Variants in CTNND2 observed in about 807,000 individuals in gnomAD.
The protein encoded by CTNND2 is catenin delta-2.
In CTNND2, 22 loss-of-function variants were observed where a neutral mutation model predicts 144.4. The observed-to-expected ratio is 0.15, with a 90% CI of 0.11 to 0.22. The LOEUF (loss-of-function observed/expected upper bound fraction) is 0.22. Ranked by LOEUF, CTNND2 falls within the 10% of genes least tolerant of loss-of-function variation. The pLI, the probability that CTNND2 is intolerant of heterozygous loss-of-function variation, is 1.00. For synonymous variants in CTNND2, 751 were observed against 695.6 expected, an observed-to-expected ratio of 1.08 and a Z score of -1.25; for missense variants, 1,353 against 1,618.8, an observed-to-expected ratio of 0.84 and a Z score of 2.82.
At chr5:11,248,186 A>G (rs1260788562) in intron 9 of CTNND2, among the ~76,000 whole-genome samples, 2 of 152,204 alleles carry the variant, frequency 1.3e-5, no homozygotes, top group African/African-American at 2.4e-5. Context: ...TTTGATGCCC[A>G]AAATACTCGG....
rs187826907 is a variant in CTNND2, at chr5:11,418,089, C to T, written c.288-6020G>A. 1.7e-4 allele frequency among the ~76,000 whole-genome samples: 26 copies of T among 151,888 alleles called. No individual in the cohort carries two copies. The East Asian group carries it at 4.3e-3, about 25-fold the overall frequency. ...AACCTGATCTAGTTTGACGCACTAA[C>T]GAGGGTAAGATATCGGTTTGAAAAG... On this transcript the variant is annotated intron_variant, in intron 3 of 21. Transcript: ENST00000304623.
intron 1 of CTNND2, among the ~76,000 whole-genome samples, chr5:11,780,381 A>G (rs943482290): frequency 6.6e-6 from 1 of 152,132 alleles, no homozygotes; most frequent in Non-Finnish European, 1.5e-5. Context: ...GTCATCCTCT[A>G]TTCCACGTGC....
At chr5:10,999,691 C>G (rs1351188917) in intron 18 of CTNND2, among the ~76,000 whole-genome samples, 3 of 152,182 alleles carry the variant, frequency 2.0e-5, no homozygotes, top group African/African-American at 7.2e-5. Context: ...ACACATTACA[C>G]TTAAAACTGG....
At chr5:11,789,610 T>C (rs922965782) in intron 1 of CTNND2, among the ~76,000 whole-genome samples, 1 of 152,184 alleles carries the variant, frequency 6.6e-6, no homozygotes, top group African/African-American at 2.4e-5. Context: ...GACTCATTTT[T>C]ATTAGTTATA....
chr5:11,113,895 G>A (rs1753281196), intron 13 of CTNND2, among the ~76,000 whole-genome samples: 1 of 152,158 alleles, frequency 6.6e-6, no homozygotes, highest in South Asian at 2.1e-4. Flanking sequence ...TATTACCGAG[G>A]GCATGAAAAC....
At chr5:10,984,279 T>C (rs1737661050) in intron 20 of CTNND2, among the ~76,000 whole-genome samples, 1 of 152,160 alleles carries the variant, frequency 6.6e-6, no homozygotes, top group Admixed American at 6.5e-5. Context: ...TGGACACCCA[T>C]AGAGTAAGTG....
chr5:11,602,141 T>G (rs1352400099), intron 2 of CTNND2, among the ~76,000 whole-genome samples: 6 of 152,204 alleles, frequency 3.9e-5, no homozygotes, highest in African/African-American at 1.4e-4. Flanking sequence ...ATAATTTCCT[T>G]AAAAATATAT....
At chr5:11,647,106 C>A (rs1782395916) in intron 2 of CTNND2, among the ~76,000 whole-genome samples, 1 of 152,202 alleles carries the variant, frequency 6.6e-6, no homozygotes, top group South Asian at 2.1e-4. Flanking sequence ...CTGTCTCCAT[C>A]ACCCTTTCTG....
At chr5:11,379,432 G>A (rs1453214166) in intron 7 of CTNND2, among the ~76,000 whole-genome samples, 1 of 152,078 alleles carries the variant, frequency 6.6e-6, no homozygotes, top group Non-Finnish European at 1.5e-5. Context: ...AGTAGCTTTG[G>A]GCAAGGAGGT....
intron 16 of CTNND2, among the ~76,000 whole-genome samples, chr5:11,079,621 C>T (rs1749332998): frequency 1.3e-5 from 2 of 152,114 alleles, no homozygotes; most frequent in Admixed American, 1.3e-4. Flanking sequence ...AGCCCACTGG[C>T]CTGCTCCCAG....
intron 9 of CTNND2, among the ~76,000 whole-genome samples, chr5:11,343,006 T>A (rs1754424544): frequency 6.6e-6 from 1 of 152,176 alleles, no homozygotes; most frequent in African/African-American, 2.4e-5. Context: ...AAAGGGAATT[T>A]TACAGGTTTA....
At chr5:11,514,229 T>C (rs1287569225) in intron 3 of CTNND2, among the ~76,000 whole-genome samples, 1 of 151,914 alleles carries the variant, frequency 6.6e-6, no homozygotes, top group African/African-American at 2.4e-5. Context: ...AACATTTAGG[T>C]GCAATAGTTT....
intron 9 of CTNND2, among the ~76,000 whole-genome samples, chr5:11,315,361 T>C (rs555214971): frequency 3.9e-5 from 6 of 152,222 alleles, no homozygotes; most frequent in Non-Finnish European, 7.3e-5. Flanking sequence ...CTGAACAATA[T>C]TGAAATAATG....
At chr5:11,603,474 T>A (rs1170534408) in intron 2 of CTNND2, among the ~76,000 whole-genome samples, 1 of 152,170 alleles carries the variant, frequency 6.6e-6, no homozygotes, top group Non-Finnish European at 1.5e-5. Flanking sequence ...ATCTTGCCTG[T>A]CTGTAAGTAT....
chr5:11,590,229 T>C, intron 2 of CTNND2, among the ~76,000 whole-genome samples: 1 of 151,982 alleles, frequency 6.6e-6, no homozygotes, highest in Non-Finnish European at 1.5e-5. Context: ...GTATTTTTAG[T>C]AGAGACGGGG....
chr5:11,897,989 T>C (rs1370155277), intron 1 of CTNND2, among the ~76,000 whole-genome samples: 1 of 152,188 alleles, frequency 6.6e-6, no homozygotes, highest in Non-Finnish European at 1.5e-5. Flanking sequence ...CCTTGCTGCT[T>C]CTCTCTTCCT....
intron 10 of CTNND2, among the ~76,000 whole-genome samples, chr5:11,221,666 A>C (rs1739809675): frequency 6.6e-6 from 1 of 152,242 alleles, no homozygotes; most frequent in Non-Finnish European, 1.5e-5. Context: ...TTTTCACAAA[A>C]TGTTCTCTCC....
intron 1 of CTNND2, among the ~76,000 whole-genome samples, chr5:11,886,403 T>C (rs1335450292): frequency 2.0e-5 from 3 of 152,146 alleles, no homozygotes; most frequent in African/African-American, 7.2e-5. Flanking sequence ...CATTCAAGAC[T>C]ACTATGAATA....
At chr5:11,603,888 T>A (rs1176303985) in intron 2 of CTNND2, among the ~76,000 whole-genome samples, 6 of 152,212 alleles carry the variant, frequency 3.9e-5, no homozygotes, top group African/African-American at 1.4e-4. Context: ...GATATCTGCT[T>A]CTCTTTCTTC....
Sources: allele counts gnomAD v4.1 joint callset (sites outside exome capture counted in the v4.1 genomes callset), GRCh38; gene constraint gnomAD v4.1.1; transcripts MANE v1.5; gene names NCBI Gene and HGNC (gene_info 2026-07-23, HGNC 2026-07-21).